The following SATL1 variants were observed in gnomAD, a reference collection of about 807,000 sequenced individuals.
SATL1 encodes spermidine/spermine N(1)-acetyltransferase-like protein 1.
Under a neutral mutation model 51.8 loss-of-function variants are expected in SATL1, and 47 were observed. That is an observed-to-expected ratio of 0.91 (90% confidence interval 0.72 to 1.16). SATL1 has a LOEUF of 1.16. SATL1 is among the 50% of genes most tolerant of loss of function. The pLI, the probability that SATL1 is intolerant of heterozygous loss-of-function variation, is 0.00. For missense variants in SATL1, 520 were observed against 526.4 expected (o/e 0.99, Z 0.12); for synonymous variants, 176 against 182.4 (o/e 0.97, Z 0.28).
intron 2 of SATL1, among the ~76,000 whole-genome samples, chrX:85,200,709 T>G (rs1485790768): frequency 9.0e-6 from 1 of 111,678 alleles, no homozygotes; most frequent in African/African-American, 3.2e-5. Flanking sequence ...GATACATGTA[T>G]AGTAATTATA....
At chrX:85,139,088 G>A (rs754036326) in intron 2 of SATL1, among the ~76,000 whole-genome samples, 3 of 111,149 alleles carry the variant, frequency 2.7e-5, no homozygotes, top group Non-Finnish European at 3.8e-5. Context: ...TTTTCTAGCC[G>A]TTTGCTGACC....
At chrX:85,236,128 T>C (rs1211588026) in intron 1 of SATL1, among the ~76,000 whole-genome samples, 1 of 111,343 alleles carries the variant, frequency 9.0e-6, no homozygotes. Flanking sequence ...CCTACGAAGA[T>C]TGAACCATGA....
intron 1 of SATL1, among the ~76,000 whole-genome samples, chrX:85,229,270 T>C (rs1462585139): frequency 9.0e-6 from 1 of 111,553 alleles, no homozygotes; most frequent in African/African-American, 3.3e-5. Context: ...TTCTCATACT[T>C]TCAAAAAACA....
intron 2 of SATL1, among the ~76,000 whole-genome samples, chrX:85,193,273 G>T (rs2147745895): frequency 8.9e-6 from 1 of 111,927 alleles, no homozygotes; most frequent in South Asian, 3.7e-4. Context: ...AATACTGTAA[G>T]AGGGTAACTC....
At chrX:85,098,942 A>G (rs1427740037) in intron 4 of SATL1, among the ~76,000 whole-genome samples, 1 of 111,625 alleles carries the variant, frequency 9.0e-6, no homozygotes, top group Non-Finnish European at 1.9e-5. Context: ...TAAGGTAATA[A>G]TAAAAATTGG....
At chrX:85,235,249 C>A (rs1413736276) in intron 1 of SATL1, among the ~76,000 whole-genome samples, 1 of 110,580 alleles carries the variant, frequency 9.0e-6, no homozygotes, top group African/African-American at 3.3e-5. Flanking sequence ...AGATACACCC[C>A]AATAAAATAA....
chrX:85,216,395 A>G (rs760773234), intron 2 of SATL1, among the ~76,000 whole-genome samples: 18 of 111,070 alleles, frequency 1.6e-4, no homozygotes, highest in African/African-American at 5.6e-4. Flanking sequence ...TCCTCCACTC[A>G]GGGTCTTTCA....
At chrX:85,228,729 T>C (rs1276873827) in intron 1 of SATL1, among the ~76,000 whole-genome samples, 1 of 111,713 alleles carries the variant, frequency 9.0e-6, no homozygotes, top group Non-Finnish European at 1.9e-5. Flanking sequence ...CATACTCTCC[T>C]AGTTTTCCTC....
At chrX:85,100,904 A>G (rs1261809443) in intron 4 of SATL1, among the ~76,000 whole-genome samples, 2 of 112,045 alleles carry the variant, frequency 1.8e-5, no homozygotes, top group African/African-American at 6.5e-5. Context: ...AAACCCTCAC[A>G]TATCTGACCC....
At chrX:85,119,669 T>TTAA (rs1473964061) in intron 2 of SATL1, among the ~76,000 whole-genome samples, 1 of 111,059 alleles carries the variant, frequency 9.0e-6, no homozygotes, top group Non-Finnish European at 1.9e-5. Flanking sequence ...TTTAAGATGC[T>TTAA]TAAATACCTT....
chrX:85,199,177 C>T (rs1161171808), intron 2 of SATL1, among the ~76,000 whole-genome samples: 2 of 110,891 alleles, frequency 1.8e-5, no homozygotes, highest in Non-Finnish European at 3.8e-5. Context: ...CCACACTCCC[C>T]CCACTACCCT....
chrX:85,150,729 A>T (rs1452376462), intron 2 of SATL1, among the ~76,000 whole-genome samples: 1 of 111,051 alleles, frequency 9.0e-6, no homozygotes, highest in African/African-American at 3.3e-5. Flanking sequence ...TGATTATCTC[A>T]ATAGATGCAG....
chrX:85,163,910 G>A (rs1349362117), intron 2 of SATL1, among the ~76,000 whole-genome samples: 4 of 111,881 alleles, frequency 3.6e-5, no homozygotes, highest in African/African-American at 6.5e-5. Flanking sequence ...CTTAAGTCTA[G>A]TAGTAATCAT....
At chrX:85,194,744 A>G (rs961130277) in intron 2 of SATL1, among the ~76,000 whole-genome samples, 4 of 109,739 alleles carry the variant, frequency 3.6e-5, no homozygotes, top group African/African-American at 1.3e-4. Flanking sequence ...GAAGCTGGAA[A>G]CCATCATTCT....
chrX:85,131,292 G>A (rs115126809), intron 2 of SATL1, among the ~76,000 whole-genome samples: 11,953 of 110,787 alleles, frequency 0.11, 563 homozygotes, highest in South Asian at 0.23. Context: ...AAGTCTCTTC[G>A]TAAGTCTCTA....
At position 85,180,701 on chromosome X, in the gene SATL1, T is replaced by C. The variant is rs1927182976; in HGVS notation, c.-313+43504A>G. Among the ~76,000 whole-genome samples the C allele has an allele frequency of 2.7e-5, 3 of 110,916 alleles. No individual in the cohort carries two copies. The Admixed American group carries it at 2.9e-4, about 11-fold the overall frequency. The stretch of plus-strand genomic sequence containing the variant: ...GTTACAAATTGTATTCCAATTATAT[T>C]GGAGTAGGCAGATCCAGGGTGGAAT... On this transcript the variant is annotated intron_variant, in intron 2 of 7. Coordinates refer to ENST00000644105, the MANE Select transcript of SATL1 (RefSeq NM_001367857.2).
intron 2 of SATL1, among the ~76,000 whole-genome samples, chrX:85,147,957 G>A (rs1035285346): frequency 2.7e-5 from 3 of 112,165 alleles, no homozygotes; most frequent in African/African-American, 9.7e-5. Context: ...ACCAGCAATG[G>A]AACAGAGTTG....
At chrX:85,225,884 G>T (rs1294466727) in intron 1 of SATL1, among the ~76,000 whole-genome samples, 4 of 110,911 alleles carry the variant, frequency 3.6e-5, no homozygotes, top group African/African-American at 1.3e-4. Context: ...CCCTGGTCTT[G>T]ATCTTTTTAT....
At chrX:85,181,202 TAC>T (rs767002404) in intron 2 of SATL1, among the ~76,000 whole-genome samples, 6 of 67,920 alleles carry the variant, frequency 8.8e-5, no homozygotes, top group South Asian at 1.2e-3. Flanking sequence ...TATATATATA[TAC>T]ACATATATAT....
Sources: allele counts gnomAD v4.1 joint callset (sites outside exome capture counted in the v4.1 genomes callset), GRCh38; gene constraint gnomAD v4.1.1; transcripts MANE v1.5; gene names NCBI Gene and HGNC (gene_info 2026-07-23, HGNC 2026-07-21).